The following PKN2 variants were observed in gnomAD, a reference collection of about 807,000 sequenced individuals.
PKN2 encodes the protein protein kinase N2.
Under a neutral mutation model 119.1 loss-of-function variants are expected in PKN2, and 38 were observed. The ratio of observed to expected loss-of-function variants is 0.32; its 90% CI spans 0.25 to 0.42. The LOEUF (loss-of-function observed/expected upper bound fraction) is 0.42, where lower values mean the gene tolerates loss of function less well. Ranked by LOEUF, PKN2 falls within the 10% of genes least tolerant of loss-of-function variation. PKN2 has a pLI of 1.00. For synonymous variants in PKN2, 390 were observed against 384.9 expected, an observed-to-expected ratio of 1.01 and a Z score of -0.15; for missense variants, 850 against 1,165.1, an observed-to-expected ratio of 0.73 and a Z score of 3.94.
At chr1:88,738,760 T>C (rs1459329410) in intron 1 of PKN2, among the ~76,000 whole-genome samples, 1 of 152,260 alleles carries the variant, frequency 6.6e-6, no homozygotes, top group Non-Finnish European at 1.5e-5. Flanking sequence ...TGTGTAAGGA[T>C]TGAAACAAAA....
chr1:88,711,808 A>C (rs759487743), intron 1 of PKN2, among the ~76,000 whole-genome samples: 3 of 152,124 alleles, frequency 2.0e-5, no homozygotes, highest in Non-Finnish European at 4.4e-5. Context: ...ATGGCAGTCA[A>C]AATTTCAGGA....
chr1:88,724,077 ATTTAG>A (rs998540292), intron 1 of PKN2, among the ~76,000 whole-genome samples: 13 of 152,286 alleles, frequency 8.5e-5, no homozygotes, highest in Middle Eastern at 3.4e-3. Flanking sequence ...TTAGGTAACT[ATTTAG>A]TTAAGTTAGA....
Position 88,784,834 on chromosome 1 carries a change from C to A in PKN2, c.1171+10C>A, listed in dbSNP as rs956762885. On this transcript the variant is annotated intron_variant, in intron 7 of 21. Coordinates refer to ENST00000370521, the MANE Select transcript of PKN2 (RefSeq NM_006256.4). ...ACCGATGACTTGTCCAGTTCAGTAA[C>A]CAGATTTTTAAAAATCATGTAACAA... 1.3e-5 allele frequency: 20 copies of A among 1,558,934 alleles called. No individual in the cohort carries two copies. Among genetic ancestry groups the A allele is most frequent in the Non-Finnish European group, 1.7e-5 (20 of 1,147,064 alleles).
rs1672895991 is a variant in PKN2 at position 88,835,247 on chromosome 1, G to A, written c.*1799G>A. The A allele has an allele frequency of 1.3e-5, 2 of 152,350 alleles. No individual in the cohort carries two copies. Among genetic ancestry groups the A allele is most frequent in the Admixed American group, 1.3e-4 (2 of 15,246 alleles). 9.4% of individuals were successfully genotyped at this position (152,350 alleles called of 1,614,324 possible). A position where few individuals can be genotyped will look rare whatever the true frequency, so the allele number is the denominator to read the frequency against. ...GGTTTAAAGTTATTTTAAAATGCCAGTTAATTTCCTCGGCAAAGGACAATA... is the reference window on the plus strand; with the variant it reads ...GGTTTAAAGTTATTTTAAAATGCCAATTAATTTCCTCGGCAAAGGACAATA... On this transcript the variant is annotated 3_prime_UTR_variant, in exon 22 of 22. Coordinates refer to ENST00000370521, the MANE Select transcript of PKN2 (RefSeq NM_006256.4).
chr1:88,758,038 C>CAA (rs33914457), intron 2 of PKN2, among the ~76,000 whole-genome samples: 1,881 of 58,204 alleles, frequency 0.032, 45 homozygotes, highest in African/African-American at 0.064. Context: ...GAGACTATCT[C>CAA]AAAAAAAAAA....
chr1:88,760,446 C>G (rs1227346528), intron 3 of PKN2, 70 bp downstream of exon 3: 17 of 885,756 alleles, frequency 1.9e-5, no homozygotes, highest in Non-Finnish European at 2.9e-5. Context: ...ATAAATTTAC[C>G]TATTCAATAA....
In PKN2 at chr1:88,823,467, C is replaced by T. The variant is rs976604590; in HGVS notation, c.2343-843C>T. 4.0e-5 allele frequency among the ~76,000 whole-genome samples: 6 copies of T among 151,686 alleles called. 1 individual carries two copies. Among genetic ancestry groups the T allele is most frequent in the Middle Eastern group, 6.3e-3 (2 of 316 alleles). ...CTGTAATCCCAGCACTTTTGGAGGC[C>T]GAGGCAGGTGGATCACCTGAGGTCA... On this transcript the variant is annotated intron_variant, in intron 17 of 21. Coordinates refer to ENST00000370521, the MANE Select transcript of PKN2 (RefSeq NM_006256.4).
Position 88,813,619 on chromosome 1 carries a change from AC to A in PKN2, c.2167del (p.Leu723PhefsTer14). 6.2e-7 allele frequency: 1 copy of A among 1,609,896 alleles called. No homozygotes were observed. The highest frequency in any genetic ancestry group is 8.5e-7 in the Non-Finnish European group (1 of 1,178,500). On this transcript the variant is annotated frameshift_variant, in exon 16 of 22. Coordinates refer to ENST00000370521, the MANE Select transcript of PKN2 (RefSeq NM_006256.4). LOFTEE classifies it high-confidence loss of function. ...VNSVRHPFLV[N>X]LFACFQTKEH... ...AGTGTAAGGCATCCCTTTTTGGTGAACCTTTTTGCATGTTTCCAAACCAAAG... is the reference window on the plus strand; with the variant it reads ...AGTGTAAGGCATCCCTTTTTGGTGAACTTTTTGCATGTTTCCAAACCAAAG...
chr1:88,712,849 A>C (rs1667289326), intron 1 of PKN2, among the ~76,000 whole-genome samples: 1 of 152,176 alleles, frequency 6.6e-6, no homozygotes, highest in African/African-American at 2.4e-5. Context: ...ATATGTATAC[A>C]TGTGCCATGT....
chr1:88,791,718 C>T (rs2100842956), intron 8 of PKN2, among the ~76,000 whole-genome samples: 1 of 152,212 alleles, frequency 6.6e-6, no homozygotes, highest in African/African-American at 2.4e-5. Flanking sequence ...TCCTCATGTC[C>T]AGTTTGTCTT....
intron 1 of PKN2, among the ~76,000 whole-genome samples, chr1:88,734,798 GAA>G (rs985920361): frequency 1.3e-5 from 2 of 151,880 alleles, no homozygotes; most frequent in African/African-American, 4.8e-5. Context: ...TGAAGCTTAT[GAA>G]AAAAATCTTA....
In PKN2 at chr1:88,828,605, T is replaced by C. The variant is rs776700934; in HGVS notation, c.2544T>C (p.Tyr848=). 1.3e-5 allele frequency: 21 copies of C among 1,612,438 alleles called. No homozygotes were observed. The highest frequency in any genetic ancestry group is 1.7e-5 in the Non-Finnish European group (20 of 1,178,780). ...VDWWGLGVLI[Y]EMLVGESPFP... ...GGTGGGGCCTTGGCGTGCTTATATA[T>C]GAAATGCTTGTTGGTGAGGTAAGCA... The change falls in exon 19 of 22, where the codon TAT becomes TAC. Residue 848 remains tyrosine, a synonymous_variant. Coordinates refer to ENST00000370521, the MANE Select transcript of PKN2 (RefSeq NM_006256.4).
intron 6 of PKN2, among the ~76,000 whole-genome samples, chr1:88,776,259 C>T (rs1670100608): frequency 6.9e-6 from 1 of 145,864 alleles, no homozygotes; most frequent in Non-Finnish European, 1.5e-5. Flanking sequence ...CCCCGCCCCA[C>T]CCGTCACTTC....
rs761581955 is a variant in PKN2, at chr1:88,697,591, T to C, written c.48+12963T>C. ...CTGCTGTTATTTAAACTATGTACAA[T>C]TGCTAGATTCAGAATTTGTCCTTAG... On this transcript the variant is annotated intron_variant, in intron 1 of 21. Transcript: ENST00000370521. Among the ~76,000 whole-genome samples, 29 of 152,322 alleles carry C rather than the reference T, an allele frequency of 1.9e-4. No individual in the cohort carries two copies. The Middle Eastern group carries it at 0.01, about 54-fold the overall frequency.
At chr1:88,821,671 A>G (rs1426008286) in intron 16 of PKN2, among the ~76,000 whole-genome samples, 2 of 152,190 alleles carry the variant, frequency 1.3e-5, no homozygotes, top group East Asian at 3.8e-4. Context: ...GTTATATTGT[A>G]ATTCCTCCTG....
chr1:88,758,346 T>A (rs952858929), intron 2 of PKN2, among the ~76,000 whole-genome samples: 1 of 150,886 alleles, frequency 6.6e-6, no homozygotes, highest in African/African-American at 2.4e-5. Context: ...CCTAAAATCA[T>A]AGAAACCTAT....
Position 88,833,298 on chromosome 1 carries a change from T to A in PKN2, c.2805T>A (p.Pro935=), listed in dbSNP as rs1672807030. The stretch of plus-strand genomic sequence containing the variant: ...AAAAAGTAAAGCCACCATTTATACC[T>A]ACCATAAGAGGACGAGAAGATGTTA... The part of the protein sequence containing the change: ...MDKKVKPPFI[P]TIRGREDVSN... The change falls in exon 22 of 22, where the codon CCT becomes CCA. Residue 935 remains proline (P), a synonymous_variant. Coordinates refer to ENST00000370521, the MANE Select transcript of PKN2 (RefSeq NM_006256.4). 6.2e-7 allele frequency: 1 copy of A among 1,613,306 alleles called. No individual in the cohort carries two copies. The highest frequency in any genetic ancestry group is 1.1e-5 in the South Asian group (1 of 91,064).
At chr1:88,770,248 C>G (rs1295626712) in intron 3 of PKN2, 104 bp from the exon 4 acceptor site, 2 of 634,228 alleles carry the variant, frequency 3.2e-6, no homozygotes, top group Non-Finnish European at 5.7e-6. Context: ...TCTTTTAACT[C>G]TGTTTTTCAC....
At position 88,807,710 on chromosome 1, in the gene PKN2, A is replaced by T. The variant is rs377511914; in HGVS notation, c.2037A>T (p.Thr679=). ...GKVLLAEYKN[T]NEMFAIKALK... is the part of the protein sequence containing the mutation. ...TGCTTTTAGCTGAATATAAAAACAC[A>T]AATGAGATGTTTGCTATAAAAGCCT... Residue 679 remains threonine (T), a synonymous_variant, in exon 15 of 22, where the codon ACA becomes ACT. Transcript: ENST00000370521. 1 of 1,601,878 alleles carries T rather than the reference A, an allele frequency of 6.2e-7. No homozygotes were observed. The highest frequency in any genetic ancestry group is 1.3e-5 in the African/African-American group (1 of 74,586).
Sources: gnomAD v4.1 joint callset for allele counts (sites outside exome capture counted in the v4.1 genomes callset) on GRCh38, gnomAD v4.1.1 for gene constraint, MANE v1.5 for transcripts, NCBI Gene and HGNC (gene_info 2026-07-23, HGNC 2026-07-21) for gene names.